Variants in RABIF observed in about 807,000 individuals in gnomAD.
RABIF encodes the protein RAB interacting factor, also known as guanine nucleotide exchange factor MSS4.
A neutral mutation model predicts 12.3 loss-of-function variants in RABIF; 13 were observed. The ratio of observed to expected loss-of-function variants is 1.06; its 90% CI spans 0.69 to 1.68. The LOEUF is 1.68. Among genes scored for constraint, RABIF ranks in the 40% most tolerant of loss-of-function variants. The probability of loss-of-function intolerance (pLI) is 0.00; values close to 1 mark genes in which losing one functional copy is unlikely to be tolerated. For synonymous variants in RABIF, 70 were observed against 63.3 expected, an observed-to-expected ratio of 1.11 and a Z score of -0.50; for missense variants, 153 against 158.0, an observed-to-expected ratio of 0.97 and a Z score of 0.17.
chr1:202,886,643 T>C (rs1261585268), intron 1 of RABIF, among the ~76,000 whole-genome samples: 18 of 152,056 alleles, frequency 1.2e-4, no homozygotes, highest in Admixed American at 1.1e-3. Context: ...ATACCTGTAA[T>C]CCCACCACTT....
intron 1 of RABIF, among the ~76,000 whole-genome samples, chr1:202,886,720 G>C (rs1659567401): frequency 6.8e-6 from 1 of 146,978 alleles, no homozygotes; most frequent in Non-Finnish European, 1.5e-5. Context: ...AATACAGTGA[G>C]CGCGTCTATG....
At position 202,880,545 on chromosome 1, in the gene RABIF, G is replaced by T; in HGVS notation, c.*433C>A. The stretch of plus-strand genomic sequence containing the variant: ...ACAACAAAGTCACTCTCAGATATTT[G>T]TATGCCTTCTTGAATGAGAAAAAGG... On this transcript the variant is annotated 3_prime_UTR_variant, in exon 2 of 2. Transcript: ENST00000367262. 3.5e-6 allele frequency: 1 copy of T among 283,074 alleles called. No homozygotes were observed. Among genetic ancestry groups the T allele is most frequent in the Non-Finnish European group, 5.4e-6 (1 of 186,562 alleles). The allele number at this position is 283,074 out of a possible 1,614,324, so 17.5% of individuals were successfully genotyped here.
At chr1:202,884,900 C>T (rs926994023) in intron 1 of RABIF, among the ~76,000 whole-genome samples, 2 of 151,942 alleles carry the variant, frequency 1.3e-5, no homozygotes, top group African/African-American at 4.8e-5. Flanking sequence ...GCCTGGCCAA[C>T]ATGGCGAAAC....
chr1:202,883,806 G>A lies in RABIF; in HGVS notation c.127-2583C>T, dbSNP rs78911346. ...AACGGTCCATTCAAGGCATCATATTGGGTCCTGTTTGCTCTATTCCTCAAC... is the reference window on the plus strand; with the variant it reads ...AACGGTCCATTCAAGGCATCATATTAGGTCCTGTTTGCTCTATTCCTCAAC... On this transcript the variant is annotated intron_variant, in intron 1 of 1. Coordinates refer to ENST00000367262, the MANE Select transcript of RABIF (RefSeq NM_002871.5). 8.9e-3 allele frequency among the ~76,000 whole-genome samples: 1,360 copies of A among 152,196 alleles called. 22 individuals are homozygous for A. Among genetic ancestry groups the A allele is most frequent in the African/African-American group, 0.031 (1,286 of 41,528 alleles).
chr1:202,882,065 C>T (rs549968153), intron 1 of RABIF, among the ~76,000 whole-genome samples: 1 of 152,186 alleles, frequency 6.6e-6, no homozygotes, highest in Non-Finnish European at 1.5e-5. Context: ...GAGACCTAGT[C>T]TCTACAAAAA....
Position 202,880,859 on chromosome 1 carries a change from C to A in RABIF, c.*119G>T. ...GCATGTTCAAATGGACATGCTGGTA[C>A]TCAGTATTTATATTAGCACAGACAA... On this transcript the variant is annotated 3_prime_UTR_variant, in exon 2 of 2. Coordinates refer to ENST00000367262, the MANE Select transcript of RABIF (RefSeq NM_002871.5). 1 of 1,513,796 alleles carries A rather than the reference C, an allele frequency of 6.6e-7. No homozygotes were observed. The highest frequency in any genetic ancestry group is 8.8e-7 in the Non-Finnish European group (1 of 1,133,808). 93.8% of individuals were successfully genotyped at this position (1,513,796 alleles called of 1,614,324 possible). A position where few individuals can be genotyped will look rare whatever the true frequency, so the allele number is the denominator to read the frequency against.
chr1:202,879,291 C>T lies in RABIF; in HGVS notation c.*1687G>A, dbSNP rs1441762681. The stretch of plus-strand genomic sequence containing the variant: ...ATCTTTGGGGCTCAAGTGATCCTCC[C>T]ACCTGAGCCTCCCAAGTAGCAGGGA... On this transcript the variant is annotated 3_prime_UTR_variant, in exon 2 of 2. Transcript: ENST00000367262. 2.0e-5 allele frequency: 3 copies of T among 152,128 alleles called. No homozygotes were observed. Among genetic ancestry groups the T allele is most frequent in the Non-Finnish European group, 2.9e-5 (2 of 68,044 alleles). 9.4% of individuals were successfully genotyped at this position (152,128 alleles called of 1,614,324 possible). A position where few individuals can be genotyped will look rare whatever the true frequency, so the allele number is the denominator to read the frequency against.
At position 202,880,953 on chromosome 1, in the gene RABIF, T is replaced by G; in HGVS notation, c.*25A>C. 1 of 1,610,020 alleles carries G rather than the reference T, an allele frequency of 6.2e-7. No homozygotes were observed. Among genetic ancestry groups the G allele is most frequent in the Non-Finnish European group, 8.5e-7 (1 of 1,176,726 alleles). On this transcript the variant is annotated 3_prime_UTR_variant, in exon 2 of 2. Transcript: ENST00000367262. ...TGGGGAGTAGGTTTATCTTTGGAGA[T>G]GGAGCTGAGTACCCCTCCCCTCAGT...
chr1:202,885,065 CAACA>C lies in RABIF; in HGVS notation c.127-3846_127-3843del, dbSNP rs1205101925. The stretch of plus-strand genomic sequence containing the variant: ...TCGTGCCACTGCACTCCAGCCTGGG[CAACA>C]GAGTGAGACTCTATCTCAAAAAAAA... On this transcript the variant is annotated intron_variant, in intron 1 of 1. Coordinates refer to ENST00000367262, the MANE Select transcript of RABIF (RefSeq NM_002871.5). Among the ~76,000 whole-genome samples, 4 of 132,170 alleles carry C rather than the reference CAACA, an allele frequency of 3.0e-5. No individual in the cohort carries two copies. In the East Asian group the frequency reaches 1.0e-3, roughly 33 times the overall value. The allele number at this position is 132,170 out of a possible 152,430, so 86.7% of individuals were successfully genotyped here. A position where few individuals can be genotyped will look rare whatever the true frequency, so the allele number is the denominator to read the frequency against.
At chr1:202,887,984 C>T (rs1019840946) in intron 1 of RABIF, among the ~76,000 whole-genome samples, 1 of 152,176 alleles carries the variant, frequency 6.6e-6, no homozygotes, top group Non-Finnish European at 1.5e-5. Context: ...ATCTCTAGAT[C>T]AAAAGTCATC....
intron 1 of RABIF, among the ~76,000 whole-genome samples, chr1:202,887,653 AC>A (rs1407390122): frequency 6.7e-6 from 1 of 149,394 alleles, no homozygotes; most frequent in Non-Finnish European, 1.5e-5. Flanking sequence ...TTGTGCCACC[AC>A]CCCCAACTAA....
Position 202,880,812 on chromosome 1 carries a change from T to G in RABIF, c.*166A>C. 7.0e-7 allele frequency: 1 copy of G among 1,420,538 alleles called. No homozygotes were observed. The highest frequency in any genetic ancestry group is 2.8e-5 in the Admixed American group (1 of 35,800). 88.0% of individuals were successfully genotyped at this position (1,420,538 alleles called of 1,614,324 possible). On this transcript the variant is annotated 3_prime_UTR_variant, in exon 2 of 2. Coordinates refer to ENST00000367262, the MANE Select transcript of RABIF (RefSeq NM_002871.5). ...AGCAGGAGGCATGTACTTGAGGCTT[T>G]AGGAAGCAGGATTAACCCTCTGCAT...
chr1:202,888,793 C>T (rs763563230), intron 1 of RABIF, among the ~76,000 whole-genome samples, 180 bp downstream of exon 1: 6 of 152,232 alleles, frequency 3.9e-5, no homozygotes, highest in Non-Finnish European at 7.4e-5. Flanking sequence ...CGGTTCCCTC[C>T]CTAGCCTTCA....
intron 1 of RABIF, among the ~76,000 whole-genome samples, chr1:202,888,065 T>TG (rs1659588969): frequency 6.6e-6 from 1 of 152,200 alleles, no homozygotes; most frequent in African/African-American, 2.4e-5. Context: ...TTTGGACGAA[T>TG]GGGTACCTCT....
chr1:202,882,003 T>C (rs1477771553), intron 1 of RABIF, among the ~76,000 whole-genome samples: 1 of 152,234 alleles, frequency 6.6e-6, no homozygotes, highest in Non-Finnish European at 1.5e-5. Flanking sequence ...GAGGTATAAT[T>C]GACATATGAA....
At chr1:202,885,467 T>C (rs1345537481) in intron 1 of RABIF, among the ~76,000 whole-genome samples, 2 of 152,254 alleles carry the variant, frequency 1.3e-5, no homozygotes, top group Non-Finnish European at 2.9e-5. Flanking sequence ...GCTTAACGGC[T>C]GGGAGCGCTC....
At chr1:202,886,283 CG>C (rs1363438341) in intron 1 of RABIF, among the ~76,000 whole-genome samples, 1 of 57,928 alleles carries the variant, frequency 1.7e-5, no homozygotes, top group Non-Finnish European at 3.2e-5. Flanking sequence ...GAAAGGAAAG[CG>C]GGGGAAGGGA....
chr1:202,887,831 G>A (rs1659586757), intron 1 of RABIF, among the ~76,000 whole-genome samples: 1 of 152,106 alleles, frequency 6.6e-6, no homozygotes, highest in Non-Finnish European at 1.5e-5. Flanking sequence ...ATGAATGATA[G>A]TCAGGACTCA....
chr1:202,880,569 G>T lies in RABIF; in HGVS notation c.*409C>A. 2.1e-6 allele frequency: 1 copy of T among 487,230 alleles called. No individual in the cohort carries two copies. Among genetic ancestry groups the T allele is most frequent in the Non-Finnish European group, 2.7e-6 (1 of 373,240 alleles). 30.2% of individuals were successfully genotyped at this position (487,230 alleles called of 1,614,324 possible). ...TGTATGCCTTCTTGAATGAGAAAAAGGCAGATTTCAACTATTAGTACATAA... is the reference window on the plus strand; with the variant it reads ...TGTATGCCTTCTTGAATGAGAAAAATGCAGATTTCAACTATTAGTACATAA... On this transcript the variant is annotated 3_prime_UTR_variant, in exon 2 of 2. Coordinates refer to ENST00000367262, the MANE Select transcript of RABIF (RefSeq NM_002871.5).
Sources: allele counts gnomAD v4.1 joint callset (sites outside exome capture counted in the v4.1 genomes callset), GRCh38; gene constraint gnomAD v4.1.1; transcripts MANE v1.5; gene names NCBI Gene and HGNC (gene_info 2026-07-23, HGNC 2026-07-21).